The following LRRIQ1 variants were observed in gnomAD, a reference collection of about 807,000 sequenced individuals.
LRRIQ1 encodes leucine-rich repeat- and IQ domain-containing protein 1.
Under a neutral mutation model 211.9 loss-of-function variants are expected in LRRIQ1, and 210 were observed. The ratio of observed to expected loss-of-function variants is 0.99; its 90% confidence interval spans 0.89 to 1.11. The LOEUF is 1.11. Among genes scored for constraint, LRRIQ1 ranks in the 50% most tolerant of loss-of-function variants. The pLI is 0.00. For missense variants in LRRIQ1, 2,136 were observed against 1,939.5 expected (o/e 1.10, Z -1.90); for synonymous variants, 699 against 650.1 (o/e 1.08, Z -1.14).
Position 85,153,252 on chromosome 12 carries a change from G to A in LRRIQ1, c.4541+107G>A, listed in dbSNP as rs994289388. The A allele has an allele frequency of 2.7e-5, 30 of 1,122,164 alleles. No individual in the cohort carries two copies. The Middle Eastern group carries it at 1.2e-3, about 46-fold the overall frequency. 69.5% of individuals were successfully genotyped at this position (1,122,164 alleles called of 1,614,324 possible). A position where few individuals can be genotyped will look rare whatever the true frequency, so the allele number is the denominator to read the frequency against. On this transcript the variant is annotated intron_variant, in intron 21 of 26. Transcript: ENST00000393217. ...AACTAGATGTGAATTTACTTGTTTA[G>A]GAAACAGAATATTTAGTGTTAAAAA...
chr12:85,245,411 G>A (rs1167164626), downstream of LRRIQ1, among the ~76,000 whole-genome samples: 2 of 150,730 alleles, frequency 1.3e-5, no homozygotes, highest in Non-Finnish European at 3.0e-5. Flanking sequence ...GTTTGATTAT[G>A]TCTATTAATG....
chr12:85,155,189 A>T (rs1026431974), intron 23 of LRRIQ1, among the ~76,000 whole-genome samples: 23 of 151,422 alleles, frequency 1.5e-4, no homozygotes, highest in Admixed American at 6.6e-4. Flanking sequence ...TGATATCTTA[A>T]TTTTTTTACT....
At chr12:85,205,183 T>G (rs3991872) in intron 24 of LRRIQ1, among the ~76,000 whole-genome samples, 74,062 of 152,026 alleles carry the variant, frequency 0.49, 21,868 homozygotes, top group African/African-American at 0.84. Flanking sequence ...CTTGCCTTCC[T>G]CCATGATTGT....
intron 24 of LRRIQ1, among the ~76,000 whole-genome samples, chr12:85,201,472 A>G (rs879418843): frequency 2.6e-5 from 4 of 151,792 alleles, no homozygotes; most frequent in Non-Finnish European, 4.4e-5. Context: ...GGAATTCATT[A>G]TTGGTCTCTT....
At chr12:85,113,516 C>A (rs1420458011) in intron 15 of LRRIQ1, among the ~76,000 whole-genome samples, 2 of 152,104 alleles carry the variant, frequency 1.3e-5, no homozygotes, top group East Asian at 3.9e-4. Flanking sequence ...ATAGTACCAG[C>A]ACAGTCCCTT....
At chr12:85,153,835 T>G in intron 22 of LRRIQ1, 77 bp downstream of exon 22, 1 of 1,032,598 alleles carries the variant, frequency 9.7e-7, no homozygotes, top group Non-Finnish European at 1.4e-6. Flanking sequence ...CTTTTCAAGA[T>G]TTTAAGAATA....
At chr12:85,269,009 A>G (rs965482084), downstream of LRRIQ1, among the ~76,000 whole-genome samples, 2 of 151,956 alleles carry the variant, frequency 1.3e-5, no homozygotes, top group Admixed American at 6.6e-5. Context: ...TATTTAACTG[A>G]CATTGAAGGA....
chr12:85,230,851 C>T (rs1013091505), intron 25 of LRRIQ1, among the ~76,000 whole-genome samples: 2 of 151,884 alleles, frequency 1.3e-5, no homozygotes, highest in African/African-American at 4.8e-5. Context: ...AGATCGAAAC[C>T]ATCCTGGCTA....
chr12:85,134,412 T>C (rs1030164374), intron 18 of LRRIQ1, among the ~76,000 whole-genome samples: 1 of 152,120 alleles, frequency 6.6e-6, no homozygotes, highest in African/African-American at 2.4e-5. Context: ...GTATTTTATT[T>C]TCAGTCTCAG....
intron 19 of LRRIQ1, among the ~76,000 whole-genome samples, chr12:85,144,948 GTTTT>G (rs1027031691): frequency 2.0e-5 from 3 of 150,670 alleles, no homozygotes; most frequent in African/African-American, 7.3e-5. Flanking sequence ...TTTGTTTTTT[GTTTT>G]TTTGTTTTCT....
intron 18 of LRRIQ1, 81 bp from the exon 19 acceptor site, chr12:85,137,769 C>T (rs1889235394): frequency 2.5e-6 from 3 of 1,179,026 alleles, no homozygotes; most frequent in East Asian, 2.8e-5. Context: ...GATGTTTTAT[C>T]TTCCTAATGG....
At chr12:85,040,623 C>T in intron 3 of LRRIQ1, 22 bp downstream of exon 3, 1 of 1,400,516 alleles carries the variant, frequency 7.1e-7, no homozygotes, top group Non-Finnish European at 1.0e-6. Flanking sequence ...TTTCATCTGT[C>T]TGGCAGATAA....
intron 24 of LRRIQ1, among the ~76,000 whole-genome samples, chr12:85,162,048 A>T (rs2136740454): frequency 6.6e-6 from 1 of 152,240 alleles, no homozygotes; most frequent in African/African-American, 2.4e-5. Flanking sequence ...CAAAAAAAAA[A>T]AATTAATAAT....
chr12:85,040,049 T>C (rs1878684066), intron 2 of LRRIQ1, among the ~76,000 whole-genome samples: 1 of 151,618 alleles, frequency 6.6e-6, no homozygotes, highest in Admixed American at 6.6e-5. Flanking sequence ...AATTTGTGTA[T>C]GATAATCACA....
In LRRIQ1 at chr12:85,127,918, C is replaced by T. The variant is rs749863431; in HGVS notation, c.4094C>T (p.Ala1365Val). The T allele has an allele frequency of 1.2e-6, 2 of 1,613,960 alleles. No homozygotes were observed. Among genetic ancestry groups the T allele is most frequent in the East Asian group, 4.5e-5 (2 of 44,854 alleles). ...TTCTCCACAAGGCTACATACTGCTG[C>T]AACAGAAGGCCTGCCAAATTCTTCC... ...THFSTRLHTA[A>V]TEGLPNSSIK... Residue 1365 changes from alanine to valine, a missense_variant, in exon 18 of 27, where the codon GCA becomes GTA. Ala to Val is a moderately conservative substitution (Grantham distance 64). Coordinates refer to ENST00000393217, the MANE Select transcript of LRRIQ1 (RefSeq NM_001079910.2).
In LRRIQ1 at chr12:85,121,885, G is replaced by T; in HGVS notation, c.3557+9G>T. 2 of 1,575,798 alleles carry T rather than the reference G, an allele frequency of 1.3e-6. No individual in the cohort carries two copies. The highest frequency in any genetic ancestry group is 1.7e-6 in the Non-Finnish European group (2 of 1,158,578). Reference sequence around the variant, plus strand: ...TATATAACTGGAAAAGGGTAAGATTGTGATCTTCCCATTGATGTATTTAGA... The same window carrying T: ...TATATAACTGGAAAAGGGTAAGATTTTGATCTTCCCATTGATGTATTTAGA... On this transcript the variant is annotated intron_variant, in intron 16 of 26. Transcript: ENST00000393217.
At chr12:85,189,271 A>G (rs962653934) in intron 24 of LRRIQ1, among the ~76,000 whole-genome samples, 1 of 152,154 alleles carries the variant, frequency 6.6e-6, no homozygotes, top group Non-Finnish European at 1.5e-5. Flanking sequence ...GACAGATTGC[A>G]TATCAGCCCT....
downstream of LRRIQ1, among the ~76,000 whole-genome samples, chr12:85,249,087 C>T (rs929449491): frequency 1.4e-4 from 21 of 151,606 alleles, no homozygotes; most frequent in Admixed American, 5.9e-4. Flanking sequence ...TTACATACTT[C>T]CTCTAATATA....
At chr12:85,123,720 A>G (rs1193163823) in intron 16 of LRRIQ1, among the ~76,000 whole-genome samples, 1 of 152,132 alleles carries the variant, frequency 6.6e-6, no homozygotes, top group Non-Finnish European at 1.5e-5. Context: ...ACTTTATTTC[A>G]TAAATAACTT....
Sources: gnomAD v4.1 joint callset for allele counts (sites outside exome capture counted in the v4.1 genomes callset) on GRCh38, gnomAD v4.1.1 for gene constraint, MANE v1.5 for transcripts, NCBI Gene and HGNC (gene_info 2026-07-23, HGNC 2026-07-21) for gene names.